The following SATL1 variants were observed in gnomAD, a reference collection of about 807,000 sequenced individuals.
SATL1 encodes spermidine/spermine N1-acetyl transferase like 1.
SATL1 carries 47 observed loss-of-function variants against 51.8 expected under a neutral mutation model. That is an observed-to-expected ratio of 0.91 (90% CI 0.72 to 1.16). The LOEUF (loss-of-function observed/expected upper bound fraction) is 1.16. Among genes scored for constraint, SATL1 ranks in the 50% most tolerant of loss-of-function variants. The pLI is 0.00. For missense variants in SATL1, 520 were observed against 526.4 expected, an observed-to-expected ratio of 0.99 and a Z score of 0.12; for synonymous variants, 176 against 182.4, an observed-to-expected ratio of 0.97 and a Z score of 0.28.
intron 2 of SATL1, among the ~76,000 whole-genome samples, chrX:85,198,253 C>T (rs1386353539): frequency 8.9e-6 from 1 of 111,911 alleles, no homozygotes; most frequent in African/African-American, 3.2e-5. Flanking sequence ...TAGGTTGCTT[C>T]CAAATCTTGG....
chrX:85,097,071 C>A (rs1241209011), intron 4 of SATL1, among the ~76,000 whole-genome samples: 6 of 111,568 alleles, frequency 5.4e-5, no homozygotes, highest in African/African-American at 2.0e-4. Flanking sequence ...CCTTGAACAA[C>A]ATGGGGTGGA....
intron 2 of SATL1, among the ~76,000 whole-genome samples, chrX:85,147,665 G>A (rs7889376): frequency 0.049 from 5,442 of 111,406 alleles, 365 homozygotes; most frequent in African/African-American, 0.17. Flanking sequence ...CGCGATTCAC[G>A]AAAATCTGCT....
rs182319417 is a variant in SATL1, at chrX:85,172,621, C to T, written c.-313+51584G>A. 1.3e-3 allele frequency among the ~76,000 whole-genome samples: 145 copies of T among 111,040 alleles called. 1 individual carries two copies. Among genetic ancestry groups the T allele is most frequent in the Admixed American group, 0.011 (113 of 10,343 alleles). On this transcript the variant is annotated intron_variant, in intron 2 of 7. Transcript: ENST00000644105. ...TGACAGACTGTCTTAACTTAGGGCT[C>T]ATATAGGCACGTCTTATGCAATAAT... is the stretch of plus-strand genomic sequence containing the variant.
chrX:85,105,893 A>C (rs1010077034), intron 3 of SATL1, among the ~76,000 whole-genome samples: 4 of 112,088 alleles, frequency 3.6e-5, no homozygotes, highest in African/African-American at 1.3e-4. Flanking sequence ...ATACTCATTA[A>C]AATTACTCCC....
intron 2 of SATL1, among the ~76,000 whole-genome samples, chrX:85,174,044 A>C (rs1216529856): frequency 9.3e-6 from 1 of 107,155 alleles, no homozygotes; most frequent in African/African-American, 3.4e-5. Context: ...TGTCCTTGTG[A>C]TAGTTTGCTC....
chrX:85,207,399 G>A (rs1462081901), intron 2 of SATL1: 3 of 111,641 alleles, frequency 2.7e-5, no homozygotes, highest in African/African-American at 9.8e-5. Flanking sequence ...TAGATTAGAC[G>A]TACCTTCATA....
chrX:85,233,004 T>C (rs767366336), intron 1 of SATL1, among the ~76,000 whole-genome samples: 22 of 112,128 alleles, frequency 2.0e-4, no homozygotes, highest in Non-Finnish European at 3.9e-4. Flanking sequence ...CCTTAACCTA[T>C]TGGCTTTAGG....
chrX:85,232,818 GC>G (rs1447630526), intron 1 of SATL1, among the ~76,000 whole-genome samples: 1 of 111,876 alleles, frequency 8.9e-6, no homozygotes, highest in East Asian at 2.8e-4. Flanking sequence ...TAACTCCAGG[GC>G]CTGGCTCCTG....
chrX:85,133,661 C>T (rs1222328463), intron 2 of SATL1, among the ~76,000 whole-genome samples: 1 of 111,750 alleles, frequency 8.9e-6, no homozygotes, highest in African/African-American at 3.3e-5. Context: ...GCTGCACCCA[C>T]TGTCCGACCA....
chrX:85,147,543 C>A (rs2055765174), intron 2 of SATL1, among the ~76,000 whole-genome samples: 1 of 113,395 alleles, frequency 8.8e-6, no homozygotes, highest in Admixed American at 9.2e-5. Flanking sequence ...GACCCCTGAC[C>A]CCCGAGCAGC....
At chrX:85,205,768 T>C (rs1927780197) in intron 2 of SATL1, among the ~76,000 whole-genome samples, 1 of 111,534 alleles carries the variant, frequency 9.0e-6, no homozygotes, top group East Asian at 2.8e-4. Flanking sequence ...ACTGCCTCTA[T>C]GGTAATAATT....
chrX:85,123,358 C>A (rs2147702089), intron 2 of SATL1, among the ~76,000 whole-genome samples: 1 of 111,031 alleles, frequency 9.0e-6, no homozygotes, highest in Non-Finnish European at 1.9e-5. Flanking sequence ...GCCATTCTGA[C>A]TGGTGTGAGA....
intron 2 of SATL1, among the ~76,000 whole-genome samples, chrX:85,190,579 C>A (rs1277188927): frequency 9.0e-6 from 1 of 111,404 alleles, no homozygotes; most frequent in Non-Finnish European, 1.9e-5. Context: ...AACAACTATT[C>A]TTCTACTTAA....
At chrX:85,170,371 C>A (rs182113384) in intron 2 of SATL1, among the ~76,000 whole-genome samples, 3 of 111,252 alleles carry the variant, frequency 2.7e-5, no homozygotes, top group Non-Finnish European at 3.8e-5. Context: ...ATTTTTTCTG[C>A]GACATTTTAT....
intron 1 of SATL1, among the ~76,000 whole-genome samples, chrX:85,229,666 T>A: frequency 9.0e-6 from 1 of 111,153 alleles, no homozygotes; most frequent in Non-Finnish European, 1.9e-5. Flanking sequence ...AAATTTACCT[T>A]GACATAATCT....
At chrX:85,241,248 A>G (rs906008288) in intron 1 of SATL1, among the ~76,000 whole-genome samples, 4 of 110,850 alleles carry the variant, frequency 3.6e-5, no homozygotes, top group Non-Finnish European at 5.7e-5. Context: ...GGACATAAAG[A>G]TGGATACAGA....
At chrX:85,156,129 T>C (rs1445989039) in intron 2 of SATL1, among the ~76,000 whole-genome samples, 2 of 111,569 alleles carry the variant, frequency 1.8e-5, no homozygotes, top group African/African-American at 6.5e-5. Context: ...AATCAGACAA[T>C]CTTAAGTAAA....
At chrX:85,213,132 T>C (rs1054189476) in intron 2 of SATL1, among the ~76,000 whole-genome samples, 3 of 111,686 alleles carry the variant, frequency 2.7e-5, no homozygotes, top group African/African-American at 9.7e-5. Flanking sequence ...AATTTGAATC[T>C]TTAGAAGGAG....
chrX:85,141,498 T>C (rs768950241), intron 2 of SATL1, among the ~76,000 whole-genome samples: 11 of 111,954 alleles, frequency 9.8e-5, no homozygotes, highest in African/African-American at 3.2e-5. Flanking sequence ...TTGATGCTAC[T>C]GTATTTCTGA....
Sources: gnomAD v4.1 joint callset for allele counts (sites outside exome capture counted in the v4.1 genomes callset) on GRCh38, gnomAD v4.1.1 for gene constraint, MANE v1.5 for transcripts, NCBI Gene and HGNC (gene_info 2026-07-23, HGNC 2026-07-21) for gene names.